AUTS2: variants seen among roughly 807,000 people sequenced by gnomAD.
AUTS2 encodes autism susceptibility gene 2 protein.
A neutral mutation model predicts 112.4 loss-of-function variants in AUTS2; 17 were observed. The observed-to-expected ratio is 0.15, with a 90% CI of 0.10 to 0.23. The LOEUF (loss-of-function observed/expected upper bound fraction) is 0.23, where lower values mean the gene tolerates loss of function less well. AUTS2 is among the 10% of genes least tolerant of loss of function. The pLI is 1.00. For synonymous variants in AUTS2, 751 were observed against 702.7 expected, an observed-to-expected ratio of 1.07 and a Z score of -1.09; for missense variants, 1,510 against 1,701.6, an observed-to-expected ratio of 0.89 and a Z score of 1.98.
intron 2 of AUTS2, among the ~76,000 whole-genome samples, chr7:70,063,757 T>C (rs1802364630): frequency 6.6e-6 from 1 of 152,186 alleles, no homozygotes; most frequent in Admixed American, 6.5e-5. Context: ...CGAAAAGAGC[T>C]CAGGATCCTG....
intron 5 of AUTS2, among the ~76,000 whole-genome samples, chr7:70,598,033 G>T: frequency 6.6e-6 from 1 of 152,272 alleles, no homozygotes; most frequent in Middle Eastern, 3.4e-3. Context: ...TACTGCATGC[G>T]TTTTAAAGTT....
intron 4 of AUTS2, among the ~76,000 whole-genome samples, chr7:70,280,812 T>C (rs1788180720): frequency 6.6e-6 from 1 of 152,180 alleles, no homozygotes; most frequent in African/African-American, 2.4e-5. Flanking sequence ...ATTTTACACA[T>C]GTAATAAGAA....
At chr7:70,135,199 G>C (rs1404802165) in intron 4 of AUTS2, among the ~76,000 whole-genome samples, 1 of 152,098 alleles carries the variant, frequency 6.6e-6, no homozygotes, top group Non-Finnish European at 1.5e-5. Context: ...TGATAATCAT[G>C]AATATAAAAT....
intron 1 of AUTS2, among the ~76,000 whole-genome samples, chr7:69,897,020 G>A (rs1181632591): frequency 1.3e-5 from 2 of 152,172 alleles, no homozygotes; most frequent in Non-Finnish European, 2.9e-5. Flanking sequence ...TAAATTCTAG[G>A]CTCTATGAGG....
chr7:70,392,250 T>C (rs1793898925), intron 4 of AUTS2, among the ~76,000 whole-genome samples: 1 of 152,190 alleles, frequency 6.6e-6, no homozygotes, highest in Admixed American at 6.5e-5. Flanking sequence ...TCCTAGCCCA[T>C]TGGAGAGACT....
intron 2 of AUTS2, among the ~76,000 whole-genome samples, chr7:69,991,759 A>G (rs908805894): frequency 1.3e-5 from 2 of 152,216 alleles, no homozygotes; most frequent in Non-Finnish European, 2.9e-5. Flanking sequence ...TCCGATCTCA[A>G]TCCTGTACCT....
At chr7:70,498,156 T>C (rs1003312158) in intron 5 of AUTS2, among the ~76,000 whole-genome samples, 2 of 152,124 alleles carry the variant, frequency 1.3e-5, no homozygotes, top group African/African-American at 4.8e-5. Flanking sequence ...TTTGAGGATG[T>C]CTGGGGAAGA....
At chr7:70,718,332 T>G (rs1332674046) in intron 6 of AUTS2, among the ~76,000 whole-genome samples, 3 of 152,184 alleles carry the variant, frequency 2.0e-5, no homozygotes, top group African/African-American at 7.2e-5. Flanking sequence ...GGCTTTTTAT[T>G]TCTCCCAGTC....
chr7:70,091,859 G>A (rs1386489584), intron 2 of AUTS2, among the ~76,000 whole-genome samples: 6 of 152,184 alleles, frequency 3.9e-5, no homozygotes, highest in Admixed American at 3.9e-4. Context: ...TTAGTGCTAA[G>A]ATGATAGGTG....
At chr7:70,578,897 T>G (rs1261186076) in intron 5 of AUTS2, among the ~76,000 whole-genome samples, 7 of 150,266 alleles carry the variant, frequency 4.7e-5, no homozygotes, top group Non-Finnish European at 8.9e-5. Context: ...TTTTCTTTTC[T>G]TCTTTCCTTT....
intron 4 of AUTS2, among the ~76,000 whole-genome samples, chr7:70,303,450 A>G (rs1032673234): frequency 6.6e-6 from 1 of 151,038 alleles, no homozygotes; most frequent in South Asian, 2.1e-4. Flanking sequence ...ACACACACAC[A>G]CACACACACA....
chr7:70,375,224 T>C (rs896484760), intron 4 of AUTS2, among the ~76,000 whole-genome samples: 1 of 152,218 alleles, frequency 6.6e-6, no homozygotes, highest in Admixed American at 6.5e-5. Context: ...GAGATTTTTT[T>C]CTATCTCAAA....
rs192923562 is a variant in AUTS2, at chr7:69,966,934, G to A, written c.522+67436G>A. 2.0e-5 allele frequency among the ~76,000 whole-genome samples: 3 copies of A among 152,312 alleles called. No homozygotes were observed. In the East Asian group the frequency reaches 5.8e-4, roughly 29 times the overall value. On this transcript the variant is annotated intron_variant, in intron 2 of 18. Transcript: ENST00000342771. ...CCAAGCTGTTAGTTCCTGCTGCTGA[G>A]TACTAGGAGCTGTTCTGTCAGCAAG... is the stretch of plus-strand genomic sequence containing the variant.
intron 3 of AUTS2, among the ~76,000 whole-genome samples, chr7:70,124,154 T>C (rs1805837434): frequency 1.3e-5 from 2 of 152,354 alleles, no homozygotes; most frequent in Admixed American, 6.5e-5. Flanking sequence ...ATATGTCTTC[T>C]TTTGAAAAGT....
intron 1 of AUTS2, among the ~76,000 whole-genome samples, chr7:69,606,695 A>G (rs944133918): frequency 1.3e-5 from 2 of 152,230 alleles, no homozygotes; most frequent in South Asian, 2.1e-4. Flanking sequence ...TTCTGAAAAG[A>G]TTCAGGTAGA....
At chr7:70,218,243 A>G (rs1258329635) in intron 4 of AUTS2, among the ~76,000 whole-genome samples, 1 of 152,180 alleles carries the variant, frequency 6.6e-6, no homozygotes, top group Admixed American at 6.5e-5. Flanking sequence ...TGAATGCTAC[A>G]TCGTTTCTGA....
chr7:70,213,112 A>G (rs995060859), intron 4 of AUTS2, among the ~76,000 whole-genome samples: 2 of 152,196 alleles, frequency 1.3e-5, no homozygotes, highest in African/African-American at 2.4e-5. Context: ...CCCACATTAT[A>G]TAAATGTATC....
intron 1 of AUTS2, among the ~76,000 whole-genome samples, chr7:69,810,363 G>C (rs1446748971): frequency 3.9e-5 from 6 of 152,174 alleles, no homozygotes; most frequent in Admixed American, 2.0e-4. Flanking sequence ...GATTAACTGT[G>C]ATCATATTTA....
At chr7:70,338,924 G>A (rs1035286792) in intron 4 of AUTS2, among the ~76,000 whole-genome samples, 77 of 151,212 alleles carry the variant, frequency 5.1e-4, no homozygotes, top group Admixed American at 3.8e-3. Flanking sequence ...GTGCAGTGGC[G>A]TGATCTCGGC....
Sources: gnomAD v4.1 joint callset for allele counts (sites outside exome capture counted in the v4.1 genomes callset) on GRCh38, gnomAD v4.1.1 for gene constraint, MANE v1.5 for transcripts, NCBI Gene and HGNC (gene_info 2026-07-23, HGNC 2026-07-21) for gene names.